Variants in RIPOR2 observed in about 807,000 individuals in gnomAD.
The protein encoded by RIPOR2 is rho family-interacting cell polarization regulator 2.
A neutral mutation model predicts 114.5 loss-of-function variants in RIPOR2; 39 were observed. The observed-to-expected ratio is 0.34, with a 90% CI of 0.26 to 0.44. The LOEUF is 0.44. Ranked by LOEUF, RIPOR2 falls within the 20% of genes least tolerant of loss-of-function variation. The pLI is 1.00. For missense variants in RIPOR2, 1,007 were observed against 1,255.1 expected (o/e 0.80, Z 2.99); for synonymous variants, 445 against 484.4 (o/e 0.92, Z 1.07).
rs144898494 is a variant in RIPOR2, at chr6:24,986,098, T to C, written c.76+55753A>G. Among the ~76,000 whole-genome samples, 433 of 152,336 alleles carry C rather than the reference T, an allele frequency of 2.8e-3. 4 individuals are homozygous for C. The highest frequency in any genetic ancestry group is 0.018 in the East Asian group (91 of 5,192). ...TTTAGAAGATTAATACTGTGTGTTG[T>C]GTGATATTAGTTGATATTTTCCTGA... is the stretch of plus-strand genomic sequence containing the variant. On this transcript the variant is annotated intron_variant, in intron 1 of 13. Coordinates refer to the RIPOR2 transcript ENST00000510784.
intron 1 of RIPOR2, among the ~76,000 whole-genome samples, chr6:24,919,862 A>C (rs1770349065): frequency 6.6e-6 from 1 of 151,828 alleles, no homozygotes; most frequent in Admixed American, 6.6e-5. Context: ...CTGAGAATAC[A>C]CTCGCCCTCT....
chr6:24,934,691 C>T (rs552560976), intron 1 of RIPOR2, among the ~76,000 whole-genome samples: 15 of 152,254 alleles, frequency 9.9e-5, no homozygotes, highest in East Asian at 9.6e-4. Flanking sequence ...ATCAAATTCA[C>T]GAGATTCTTG....
intron 1 of RIPOR2, among the ~76,000 whole-genome samples, chr6:24,992,158 T>G (rs750283857): frequency 1.6e-4 from 24 of 152,224 alleles, no homozygotes; most frequent in Non-Finnish European, 2.6e-4. Context: ...TCAAGAGCTC[T>G]GCAAATGGTC....
intron 19 of RIPOR2, among the ~76,000 whole-genome samples, 196 bp downstream of exon 19, chr6:24,825,030 T>C (rs544977194): frequency 4.6e-5 from 7 of 152,222 alleles, no homozygotes; most frequent in Non-Finnish European, 1.0e-4. Flanking sequence ...GGCAGTATGT[T>C]ATTAATAGTT....
chr6:24,833,361 C>T (rs544457541), intron 15 of RIPOR2, among the ~76,000 whole-genome samples: 5 of 151,960 alleles, frequency 3.3e-5, no homozygotes, highest in East Asian at 1.9e-4. Flanking sequence ...ATTAGCCAGG[C>T]GTGGTGGTGC....
At position 24,825,277 on chromosome 6, in the gene RIPOR2, A is replaced by G. The variant is rs1439253478; in HGVS notation, c.2817T>C (p.Ala939=). Residue 939 remains alanine, a synonymous_variant, in exon 19 of 22, where the codon GCT becomes GCC. Coordinates refer to ENST00000643898, the MANE Select transcript of RIPOR2 (RefSeq NM_001286445.3). The part of the protein sequence containing the change: ...LTREDNEVSE[A]VTLYLAAASK... The stretch of plus-strand genomic sequence containing the variant: ...AGGCTGCTGCCAAGTAAAGCGTCAC[A>G]GCCTCACTAACTTCGTTGTCCTCTC... 3.9e-6 allele frequency: 6 copies of G among 1,551,674 alleles called. No homozygotes were observed. Among genetic ancestry groups the G allele is most frequent in the Non-Finnish European group, 5.2e-6 (6 of 1,146,990 alleles).
intron 1 of RIPOR2, among the ~76,000 whole-genome samples, chr6:24,980,930 C>T (rs1346975098): frequency 6.6e-6 from 1 of 152,160 alleles, no homozygotes; most frequent in Admixed American, 6.5e-5. Context: ...TGAATGAACA[C>T]ATTCATTCAT....
At chr6:24,977,372 C>T (rs368933133) in intron 1 of RIPOR2, among the ~76,000 whole-genome samples, 16 of 151,324 alleles carry the variant, frequency 1.1e-4, no homozygotes, top group African/African-American at 3.6e-4. Flanking sequence ...ACTATGTGTC[C>T]CCCCTTCCCT....
chr6:24,892,683 ATCT>A (rs142935942), intron 1 of RIPOR2, among the ~76,000 whole-genome samples: 1 of 152,248 alleles, frequency 6.6e-6, no homozygotes, highest in East Asian at 1.9e-4. Flanking sequence ...CAGGCAACAG[ATCT>A]TCTCTGGAAA....
chr6:24,911,085 C>T (rs1006918187), intron 1 of RIPOR2: 8 of 630,678 alleles, frequency 1.3e-5, no homozygotes, highest in Non-Finnish European at 1.6e-5. Context: ...GGTGGCGGAG[C>T]GCGGAGCTAG....
intron 5 of RIPOR2, 68 bp downstream of exon 5, chr6:24,870,798 G>A: frequency 8.4e-7 from 1 of 1,183,970 alleles, no homozygotes; most frequent in South Asian, 1.3e-5. Context: ...ACAGGCGTGA[G>A]CCACCGTGCC....
At chr6:24,964,065 C>T (rs1034086450) in intron 1 of RIPOR2, among the ~76,000 whole-genome samples, 2 of 151,322 alleles carry the variant, frequency 1.3e-5, no homozygotes, top group East Asian at 2.0e-4. Context: ...CTAATGGTTA[C>T]TTTTTACATA....
At chr6:24,825,111 A>G in intron 19 of RIPOR2, 115 bp downstream of exon 19, 1 of 769,354 alleles carries the variant, frequency 1.3e-6, no homozygotes, top group Non-Finnish European at 2.0e-6. Context: ...TGGAGCACAC[A>G]TTATTAATAC....
intron 16 of RIPOR2, among the ~76,000 whole-genome samples, chr6:24,831,138 C>G (rs578023317): frequency 2.1e-4 from 32 of 152,186 alleles, no homozygotes; most frequent in African/African-American, 7.7e-4. Flanking sequence ...CTAGCAGATT[C>G]CTGTGTGGTC....
At chr6:25,039,606 C>T (rs1311431985) in intron 1 of RIPOR2, among the ~76,000 whole-genome samples, 1 of 152,156 alleles carries the variant, frequency 6.6e-6, no homozygotes, top group African/African-American at 2.4e-5. Flanking sequence ...TGTAGTAAAG[C>T]AGGCTTTTCT....
chr6:24,918,637 A>G (rs1770259038), intron 1 of RIPOR2, among the ~76,000 whole-genome samples: 1 of 152,178 alleles, frequency 6.6e-6, no homozygotes, highest in Non-Finnish European at 1.5e-5. Flanking sequence ...CAAAATCTTC[A>G]TGGACATTAT....
At chr6:24,847,654 A>G (rs1036831505) in intron 12 of RIPOR2, 9 of 1,551,762 alleles carry the variant, frequency 5.8e-6, no homozygotes, top group Non-Finnish European at 7.0e-6. Flanking sequence ...CAAGACAGAC[A>G]GCCGCCTGGG....
chr6:25,006,881 CTG>C (rs1277273835), intron 1 of RIPOR2, among the ~76,000 whole-genome samples: 1 of 152,262 alleles, frequency 6.6e-6, no homozygotes, highest in Non-Finnish European at 1.5e-5. Flanking sequence ...AACAAACAAA[CTG>C]TGCCATGGCT....
chr6:24,894,178 T>C (rs1307948143), intron 1 of RIPOR2, among the ~76,000 whole-genome samples: 1 of 152,216 alleles, frequency 6.6e-6, no homozygotes, highest in Non-Finnish European at 1.5e-5. Context: ...AAGAAACACC[T>C]TGATTGACGA....
Sources: gnomAD v4.1 joint callset for allele counts (sites outside exome capture counted in the v4.1 genomes callset) on GRCh38, gnomAD v4.1.1 for gene constraint, MANE v1.5 for transcripts, NCBI Gene and HGNC (gene_info 2026-07-23, HGNC 2026-07-21) for gene names.